Variants in PPM1H observed in about 807,000 individuals in gnomAD.
PPM1H encodes protein phosphatase, Mg2+/Mn2+ dependent 1H, also known as protein phosphatase 1H.
In PPM1H, 27 loss-of-function variants were observed where a neutral mutation model predicts 54.9. That is an observed-to-expected ratio of 0.49 (90% CI 0.36 to 0.68). PPM1H has a LOEUF of 0.68. Ranked by LOEUF, PPM1H falls within the 30% of genes least tolerant of loss-of-function variation. The probability of loss-of-function intolerance (pLI) is 0.00; values close to 1 mark genes in which losing one functional copy is unlikely to be tolerated. For synonymous variants in PPM1H, 305 were observed against 270.8 expected, an observed-to-expected ratio of 1.13 and a Z score of -1.24; for missense variants, 596 against 667.8, an observed-to-expected ratio of 0.89 and a Z score of 1.19.
intron 8 of PPM1H, among the ~76,000 whole-genome samples, chr12:62,681,003 C>A (rs940972881): frequency 6.6e-6 from 1 of 152,114 alleles, no homozygotes; most frequent in Admixed American, 6.5e-5. Context: ...AAGACCCTCC[C>A]GCTCTGGGAT....
chr12:62,745,651 CACTA>C (rs954608464), intron 4 of PPM1H, among the ~76,000 whole-genome samples: 1 of 152,178 alleles, frequency 6.6e-6, no homozygotes, highest in African/African-American at 2.4e-5. Context: ...TTTCAGGAGC[CACTA>C]ACTAAGAAGC....
chr12:62,760,117 C>T (rs1314347477), intron 4 of PPM1H, among the ~76,000 whole-genome samples: 1 of 152,128 alleles, frequency 6.6e-6, no homozygotes, highest in Non-Finnish European at 1.5e-5. Context: ...ACTGTTTGGC[C>T]CCAGTACAAA....
At chr12:62,827,465 C>A (rs1868303257) in intron 2 of PPM1H, among the ~76,000 whole-genome samples, 1 of 152,124 alleles carries the variant, frequency 6.6e-6, no homozygotes, top group South Asian at 2.1e-4. Context: ...GGACTCCTGG[C>A]CTTCCCAAGT....
intron 8 of PPM1H, among the ~76,000 whole-genome samples, chr12:62,676,056 A>G (rs2075983815): frequency 1.3e-5 from 2 of 152,196 alleles, no homozygotes; most frequent in Admixed American, 6.5e-5. Context: ...AGGCTTCAGA[A>G]GGGAGGAAGT....
At chr12:62,817,926 C>T (rs1384144877) in intron 2 of PPM1H, among the ~76,000 whole-genome samples, 2 of 152,172 alleles carry the variant, frequency 1.3e-5, no homozygotes, top group African/African-American at 2.4e-5. Flanking sequence ...CAGCCATCTC[C>T]TGTTATTGTA....
At chr12:62,839,884 A>AAAAAAAAAAAAAC (rs1555200469) in intron 1 of PPM1H, among the ~76,000 whole-genome samples, 4 of 150,168 alleles carry the variant, frequency 2.7e-5, no homozygotes, top group African/African-American at 5.0e-5. Flanking sequence ...CAAAAAAAAA[A>AAAAAAAAAAAAAC]AAAAAACACC....
chr12:62,849,373 G>A (rs1177867369), intron 1 of PPM1H, among the ~76,000 whole-genome samples: 1 of 152,180 alleles, frequency 6.6e-6, no homozygotes, highest in Non-Finnish European at 1.5e-5. Context: ...GATAGGGAAG[G>A]TATTATCTGT....
At chr12:62,870,735 A>G (rs889192065) in intron 1 of PPM1H, among the ~76,000 whole-genome samples, 2 of 152,252 alleles carry the variant, frequency 1.3e-5, no homozygotes, top group Non-Finnish European at 2.9e-5. Context: ...TTAGACTCTT[A>G]TAGAACATAC....
chr12:62,897,727 A>G (rs1362377313), intron 1 of PPM1H, among the ~76,000 whole-genome samples: 1 of 152,088 alleles, frequency 6.6e-6, no homozygotes, highest in Non-Finnish European at 1.5e-5. Context: ...CAGCTGGGTC[A>G]AGCAGAAGAT....
chr12:62,884,306 G>A (rs554854133), intron 1 of PPM1H, among the ~76,000 whole-genome samples: 2 of 139,480 alleles, frequency 1.4e-5, no homozygotes, highest in East Asian at 3.9e-4. Context: ...GGCCGACATG[G>A]TGAAATCCTG....
At chr12:62,676,535 CTT>C (rs2075987499) in intron 8 of PPM1H, among the ~76,000 whole-genome samples, 1 of 152,310 alleles carries the variant, frequency 6.6e-6, no homozygotes, top group South Asian at 2.1e-4. Flanking sequence ...CCCCTGCAGG[CTT>C]GGAAGTGTCT....
intron 2 of PPM1H, among the ~76,000 whole-genome samples, chr12:62,823,298 C>T (rs150639227): frequency 0.073 from 11,157 of 152,190 alleles, 473 homozygotes; most frequent in South Asian, 0.18. Context: ...GATTCACAGC[C>T]AAATTCTACC....
At chr12:62,691,781 C>T (rs1440218465) in intron 7 of PPM1H, among the ~76,000 whole-genome samples, 5 of 150,476 alleles carry the variant, frequency 3.3e-5, no homozygotes, top group Non-Finnish European at 7.4e-5. Context: ...CGAGATTGTG[C>T]CACCGTACTC....
chr12:62,717,728 T>C (rs1016163867), intron 6 of PPM1H, among the ~76,000 whole-genome samples: 7 of 151,422 alleles, frequency 4.6e-5, no homozygotes, highest in Non-Finnish European at 7.4e-5. Flanking sequence ...GAAAGAAACA[T>C]AAAAAAACTA....
chr12:62,870,032 G>C (rs1192391229), intron 1 of PPM1H, among the ~76,000 whole-genome samples: 1 of 152,148 alleles, frequency 6.6e-6, no homozygotes, highest in Non-Finnish European at 1.5e-5. Flanking sequence ...ATGTTCAACA[G>C]ATACTTGTTG....
chr12:62,934,320 A>C lies in PPM1H; in HGVS notation c.245+172T>G, dbSNP rs1006315103. On this transcript the variant is annotated intron_variant, in intron 1 of 9. Coordinates refer to ENST00000228705, the MANE Select transcript of PPM1H (RefSeq NM_020700.2). This position sits in a 1 kb window ranked among gnomAD's most constrained non-coding sequence, Gnocchi z 4.2. ...GCGTCCTTGGGCTGGGGGAAGAGGG[A>C]GTGGGGAGAAGAGGGAAATGGCCAG... is the stretch of plus-strand genomic sequence containing the variant. Among the ~76,000 whole-genome samples the C allele has an allele frequency of 6.6e-6, 1 of 151,982 alleles. No homozygotes were observed. Among genetic ancestry groups the C allele is most frequent in the African/African-American group, 2.4e-5 (1 of 41,360 alleles).
intron 4 of PPM1H, among the ~76,000 whole-genome samples, chr12:62,782,002 G>T (rs1168321741): frequency 6.6e-6 from 1 of 152,220 alleles, no homozygotes; most frequent in African/African-American, 2.4e-5. Context: ...TCACAGTGGA[G>T]AAGAGTTGTT....
At chr12:62,834,742 A>T (rs1447173087) in intron 1 of PPM1H, among the ~76,000 whole-genome samples, 1 of 152,152 alleles carries the variant, frequency 6.6e-6, no homozygotes, top group Non-Finnish European at 1.5e-5. Context: ...CGTAGTACAG[A>T]ACATGCATTC....
At chr12:62,734,026 G>A (rs1412844211) in intron 5 of PPM1H, among the ~76,000 whole-genome samples, 2 of 152,084 alleles carry the variant, frequency 1.3e-5, no homozygotes, top group Non-Finnish European at 2.9e-5. Flanking sequence ...TTAGATGTGG[G>A]GCCTTTGGGA....
Sources: allele counts gnomAD v4.1 joint callset (sites outside exome capture counted in the v4.1 genomes callset), GRCh38; gene constraint gnomAD v4.1.1; non-coding constraint Gnocchi (gnomAD v3.1); transcripts MANE v1.5; gene names NCBI Gene and HGNC (gene_info 2026-07-23, HGNC 2026-07-21).